Variants in NHLRC2 observed in about 807,000 individuals in gnomAD.
NHLRC2 encodes NHL repeat containing 2, also known as NHL repeat-containing protein 2.
In NHLRC2, 33 loss-of-function variants were observed where a neutral mutation model predicts 68.1. That is an observed-to-expected ratio of 0.48 (90% CI 0.37 to 0.65). NHLRC2 has a LOEUF of 0.65. Among genes scored for constraint, NHLRC2 ranks in the 30% least tolerant of loss-of-function variants. The pLI is 0.00. For synonymous variants in NHLRC2, 311 were observed against 309.6 expected, an observed-to-expected ratio of 1.00 and a Z score of -0.05; for missense variants, 761 against 853.8, an observed-to-expected ratio of 0.89 and a Z score of 1.35.
chr10:113,898,526 G>A (rs1222679444), intron 6 of NHLRC2, among the ~76,000 whole-genome samples: 1 of 152,182 alleles, frequency 6.6e-6, no homozygotes, highest in Non-Finnish European at 1.5e-5. Context: ...CTACTCAGAA[G>A]TGACACACGT....
chr10:113,855,634 GTTGTTTTGTTTTGTT>G (rs370457817), intron 1 of NHLRC2, among the ~76,000 whole-genome samples: 9 of 151,216 alleles, frequency 6.0e-5, no homozygotes, highest in East Asian at 1.9e-4. Flanking sequence ...CGCCTGGCTA[GTTGTTTTGTTTTGTT>G]TTGTTTTGTT....
chr10:113,872,156 T>C (rs1845931462), intron 2 of NHLRC2, among the ~76,000 whole-genome samples: 1 of 151,980 alleles, frequency 6.6e-6, no homozygotes, highest in South Asian at 2.1e-4. Flanking sequence ...AGAGAAGCAT[T>C]GCTCCTGGGA....
chr10:113,862,349 A>C (rs907726620), intron 2 of NHLRC2, among the ~76,000 whole-genome samples: 1 of 152,134 alleles, frequency 6.6e-6, no homozygotes, highest in Non-Finnish European at 1.5e-5. Context: ...CATAAATTCA[A>C]ATTAGAGCGT....
chr10:113,876,156 G>A (rs1346393714), intron 2 of NHLRC2, among the ~76,000 whole-genome samples: 2 of 150,440 alleles, frequency 1.3e-5, no homozygotes, highest in Non-Finnish European at 3.0e-5. Context: ...CCCAAAAGCA[G>A]GCATAGTCAA....
At position 113,915,194 on chromosome 10, in the gene NHLRC2, A is replaced by G. The variant is rs1846371301; in HGVS notation, c.*6658A>G. 2.2e-6 allele frequency: 1 copy of G among 456,332 alleles called. No homozygotes were observed. Among genetic ancestry groups the G allele is most frequent in the Non-Finnish European group, 4.4e-6 (1 of 226,976 alleles). 28.3% of individuals were successfully genotyped at this position (456,332 alleles called of 1,614,324 possible). A position where few individuals can be genotyped will look rare whatever the true frequency, so the allele number is the denominator to read the frequency against. On this transcript the variant is annotated 3_prime_UTR_variant, in exon 11 of 11. Coordinates refer to ENST00000369301, the MANE Select transcript of NHLRC2 (RefSeq NM_198514.4). ...GTCGCTTTCAAGTGTACCAAAGGAC[A>G]TTTTGTTCTGTTGAAAGCCACAGGA... is the stretch of plus-strand genomic sequence containing the variant.
intron 10 of NHLRC2, among the ~76,000 whole-genome samples, chr10:113,907,244 TAA>T (rs1274479344): frequency 6.6e-6 from 1 of 152,146 alleles, no homozygotes; most frequent in African/African-American, 2.4e-5. Context: ...AGCAATAAAC[TAA>T]AAGAGACATC....
At chr10:113,903,401 C>A in intron 8 of NHLRC2, 126 bp from the exon 9 acceptor site, 1 of 663,442 alleles carries the variant, frequency 1.5e-6, no homozygotes, top group African/African-American at 1.8e-5. Context: ...ATAACTATTC[C>A]TTTTGTGAGA....
At chr10:113,869,436 T>C (rs1174070073) in intron 2 of NHLRC2, among the ~76,000 whole-genome samples, 2 of 152,338 alleles carry the variant, frequency 1.3e-5, no homozygotes, top group Non-Finnish European at 2.9e-5. Flanking sequence ...GATAAAGATA[T>C]AAATCTTTAC....
intron 2 of NHLRC2, among the ~76,000 whole-genome samples, chr10:113,861,301 C>A (rs1845814109): frequency 6.6e-6 from 1 of 152,124 alleles, no homozygotes; most frequent in Admixed American, 6.6e-5. Context: ...AAAACATGAA[C>A]ACAAACATCT....
intron 4 of NHLRC2, among the ~76,000 whole-genome samples, chr10:113,881,684 AT>A (rs1846037270): frequency 6.6e-6 from 1 of 151,790 alleles, no homozygotes; most frequent in African/African-American, 2.4e-5. Flanking sequence ...TTCTGTGTAT[AT>A]TTTTTAGTTA....
Position 113,884,390 on chromosome 10 carries a change from C to T in NHLRC2, c.1039+10C>T. 6.2e-7 allele frequency: 1 copy of T among 1,600,610 alleles called. No individual in the cohort carries two copies. The highest frequency in any genetic ancestry group is 8.5e-7 in the Non-Finnish European group (1 of 1,171,474). ...GTTTTTGGAACATCAGGTATGTGAA[C>T]TTTTGATATTAAATGTAAAGGTAAA... On this transcript the variant is annotated intron_variant, in intron 5 of 10. Transcript: ENST00000369301.
At chr10:113,863,529 A>G (rs115068418) in intron 2 of NHLRC2, among the ~76,000 whole-genome samples, 2,262 of 152,284 alleles carry the variant, frequency 0.015, 63 homozygotes, top group African/African-American at 0.052. Context: ...ACTTAAATCT[A>G]AGGTGTAATA....
At chr10:113,855,634 GTTGTT>G (rs370457817) in intron 1 of NHLRC2, among the ~76,000 whole-genome samples, 1,921 of 151,200 alleles carry the variant, frequency 0.013, 35 homozygotes, top group African/African-American at 0.041. Flanking sequence ...CGCCTGGCTA[GTTGTT>G]TTGTTTTGTT....
intron 2 of NHLRC2, among the ~76,000 whole-genome samples, chr10:113,864,683 A>C (rs1345007007): frequency 8.5e-6 from 1 of 117,310 alleles, no homozygotes; most frequent in Non-Finnish European, 1.9e-5. Context: ...TCGACAGAGC[A>C]AGACTCCGTC....
intron 1 of NHLRC2, among the ~76,000 whole-genome samples, chr10:113,856,504 T>G (rs1036948711): frequency 3.3e-5 from 5 of 152,218 alleles, no homozygotes; most frequent in Non-Finnish European, 7.3e-5. Context: ...AAAAGATTGT[T>G]TACATCTATA....
intron 2 of NHLRC2, among the ~76,000 whole-genome samples, chr10:113,865,287 C>CA (rs1589535577): frequency 1.4e-5 from 2 of 139,808 alleles, no homozygotes; most frequent in African/African-American, 2.6e-5. Context: ...TTCATCCCCC[C>CA]CCCCCGTTCC....
intron 5 of NHLRC2, among the ~76,000 whole-genome samples, chr10:113,891,716 C>G (rs1318516129): frequency 6.6e-6 from 1 of 152,186 alleles, no homozygotes; most frequent in East Asian, 1.9e-4. Context: ...TCCACTCTTG[C>G]AGCCGTCCCA....
chr10:113,868,471 GA>G (rs1457771987), intron 2 of NHLRC2, among the ~76,000 whole-genome samples: 1 of 152,168 alleles, frequency 6.6e-6, no homozygotes, highest in African/African-American at 2.4e-5. Context: ...AATGGGAGTG[GA>G]TATTTGGCAA....
intron 4 of NHLRC2, 34 bp downstream of exon 4, chr10:113,879,729 C>A (rs748908846): frequency 1.5e-6 from 2 of 1,320,864 alleles, no homozygotes; most frequent in Admixed American, 2.4e-5. Context: ...TTAATACTTA[C>A]AATCAGAAAA....
Sources: allele counts gnomAD v4.1 joint callset (sites outside exome capture counted in the v4.1 genomes callset), GRCh38; gene constraint gnomAD v4.1.1; transcripts MANE v1.5; gene names NCBI Gene and HGNC (gene_info 2026-07-23, HGNC 2026-07-21).